SYT16: variants seen among roughly 807,000 people sequenced by gnomAD.
SYT16 encodes synaptotagmin-16.
Under a neutral mutation model 61.4 loss-of-function variants are expected in SYT16, and 42 were observed. The ratio of observed to expected loss-of-function variants is 0.68; its 90% CI spans 0.53 to 0.89. The LOEUF is 0.89. SYT16 is among the 40% of genes least tolerant of loss of function. The pLI, the probability that SYT16 is intolerant of heterozygous loss-of-function variation, is 0.00. For synonymous variants in SYT16, 314 were observed against 302.3 expected (o/e 1.04, Z -0.40); for missense variants, 804 against 807.3 (o/e 1.00, Z 0.05).
chr14:62,091,564 A>G (rs7160885), intron 7 of SYT16, among the ~76,000 whole-genome samples: 34,234 of 152,028 alleles, frequency 0.23, 4,002 homozygotes, highest in East Asian at 0.33. Flanking sequence ...AGTGACTCCA[A>G]ATGATTTTTG....
chr14:61,871,351 A>G (rs918156960), intron 1 of SYT16, among the ~76,000 whole-genome samples: 3 of 151,918 alleles, frequency 2.0e-5, no homozygotes, highest in South Asian at 2.1e-4. Context: ...GCTGATCTGT[A>G]CTCAAAGACT....
chr14:62,093,814 T>C (rs974108261), intron 7 of SYT16, among the ~76,000 whole-genome samples: 2 of 152,150 alleles, frequency 1.3e-5, no homozygotes, highest in African/African-American at 2.4e-5. Context: ...AGATGTGTAA[T>C]AGAAGATGTA....
intron 1 of SYT16, among the ~76,000 whole-genome samples, chr14:61,921,882 G>A (rs2049346583): frequency 6.6e-6 from 1 of 152,196 alleles, no homozygotes; most frequent in South Asian, 2.1e-4. Flanking sequence ...ACAGGACTTG[G>A]CAGCAGACAG....
intron 1 of SYT16, among the ~76,000 whole-genome samples, chr14:61,941,933 TG>T (rs1467803650): frequency 6.6e-6 from 1 of 152,250 alleles, no homozygotes; most frequent in African/African-American, 2.4e-5. Context: ...TTTTTGCCTT[TG>T]CCTGGCAAGG....
At chr14:61,927,971 G>C (rs2049602603) in intron 1 of SYT16, among the ~76,000 whole-genome samples, 1 of 152,164 alleles carries the variant, frequency 6.6e-6, no homozygotes, top group South Asian at 2.1e-4. Flanking sequence ...CAGAGAGCTG[G>C]GTAAGTTGGT....
intron 3 of SYT16, among the ~76,000 whole-genome samples, chr14:62,061,752 C>A (rs6573417): frequency 0.45 from 68,215 of 151,814 alleles, 18,534 homozygotes; most frequent in African/African-American, 0.77. Flanking sequence ...TGGAGGAAGA[C>A]GTAACAAACT....
chr14:61,834,152 A>T lies in SYT16; in HGVS notation c.-325+21342A>T, dbSNP rs547235991. Among the ~76,000 whole-genome samples the T allele has an allele frequency of 4.6e-5, 7 of 151,622 alleles. No individual in the cohort carries two copies. In the East Asian group the frequency reaches 1.4e-3, roughly 29 times the overall value. On this transcript the variant is annotated intron_variant, in intron 1 of 7. Transcript: ENST00000683842. Reference sequence around the variant, plus strand: ...CTGATTCACATTTATTTTTTTTGAGATGGAGTCTCCCACTGTCGCCTGGGC... The same window carrying T: ...CTGATTCACATTTATTTTTTTTGAGTTGGAGTCTCCCACTGTCGCCTGGGC...
At chr14:61,995,397 C>G (rs978193079) in intron 2 of SYT16, among the ~76,000 whole-genome samples, 1 of 152,052 alleles carries the variant, frequency 6.6e-6, no homozygotes, top group African/African-American at 2.4e-5. Flanking sequence ...AATATAAAAT[C>G]CTATTTTAAG....
chr14:62,012,323 C>G (rs945087155), intron 3 of SYT16, among the ~76,000 whole-genome samples: 3 of 152,134 alleles, frequency 2.0e-5, no homozygotes, highest in Non-Finnish European at 4.4e-5. Flanking sequence ...CTGAGGGCCC[C>G]AGCTTCTTGC....
chr14:61,969,861 G>T (rs183667614), intron 1 of SYT16, among the ~76,000 whole-genome samples: 70 of 152,214 alleles, frequency 4.6e-4, no homozygotes, highest in African/African-American at 1.4e-3. Context: ...AAGAAGAGTT[G>T]TACTCCAGGT....
chr14:61,906,074 A>T (rs2048699538), intron 1 of SYT16, among the ~76,000 whole-genome samples: 1 of 152,160 alleles, frequency 6.6e-6, no homozygotes, highest in Non-Finnish European at 1.5e-5. Context: ...TCTTATGTTA[A>T]GACACTGAAA....
At chr14:61,824,877 G>A (rs987091466) in intron 1 of SYT16, among the ~76,000 whole-genome samples, 5 of 152,140 alleles carry the variant, frequency 3.3e-5, no homozygotes, top group African/African-American at 1.2e-4. Flanking sequence ...AATTTGCAGA[G>A]GGGGCATGAG....
At chr14:62,035,249 C>T (rs888180001) in intron 3 of SYT16, among the ~76,000 whole-genome samples, 1 of 152,154 alleles carries the variant, frequency 6.6e-6, no homozygotes, top group African/African-American at 2.4e-5. Context: ...CAGAACTCAG[C>T]ATGCAGCAGT....
intron 1 of SYT16, among the ~76,000 whole-genome samples, chr14:61,864,525 G>GT (rs2047071651): frequency 6.6e-6 from 1 of 152,274 alleles, no homozygotes; most frequent in Non-Finnish European, 1.5e-5. Flanking sequence ...TGTGGATTAT[G>GT]ATGTGGTAGA....
intron 3 of SYT16, among the ~76,000 whole-genome samples, chr14:62,031,785 G>T (rs1167391461): frequency 6.6e-6 from 1 of 151,982 alleles, no homozygotes; most frequent in Non-Finnish European, 1.5e-5. Context: ...CCTTGACACC[G>T]GGGAAACAAG....
At chr14:61,954,359 AC>A (rs2050789497) in intron 1 of SYT16, among the ~76,000 whole-genome samples, 1 of 151,116 alleles carries the variant, frequency 6.6e-6, no homozygotes, top group African/African-American at 2.4e-5. Context: ...AAATTTACAA[AC>A]ATCTAGTGAC....
chr14:62,059,191 A>T (rs139928847), intron 3 of SYT16, among the ~76,000 whole-genome samples: 54 of 152,328 alleles, frequency 3.5e-4, no homozygotes, highest in African/African-American at 1.2e-3. Flanking sequence ...TTACCTATGT[A>T]ACAAACCTGC....
chr14:61,986,665 T>C (rs2052330549), intron 2 of SYT16, among the ~76,000 whole-genome samples: 1 of 152,068 alleles, frequency 6.6e-6, no homozygotes, highest in African/African-American at 2.4e-5. Flanking sequence ...AGTGTTCTCA[T>C]TAGAACAGAT....
intron 1 of SYT16, among the ~76,000 whole-genome samples, chr14:61,968,748 C>T (rs1288140836): frequency 6.6e-6 from 1 of 152,208 alleles, no homozygotes; most frequent in Non-Finnish European, 1.5e-5. Context: ...CGAAGCCACA[C>T]AGATAGTAAG....
Sources: allele counts gnomAD v4.1 joint callset (sites outside exome capture counted in the v4.1 genomes callset), GRCh38; gene constraint gnomAD v4.1.1; transcripts MANE v1.5; gene names NCBI Gene and HGNC (gene_info 2026-07-23, HGNC 2026-07-21).